The following USP28 variants were observed in gnomAD, a reference collection of about 807,000 sequenced individuals.
USP28 encodes ubiquitin carboxyl-terminal hydrolase 28.
USP28 carries 113 observed loss-of-function variants against 145.0 expected under a neutral mutation model. The observed-to-expected ratio is 0.78, with a 90% CI of 0.67 to 0.91. The LOEUF (loss-of-function observed/expected upper bound fraction) is 0.91. Ranked by LOEUF, USP28 falls within the 40% of genes least tolerant of loss-of-function variation. The pLI is 0.00. For missense variants in USP28, 1,201 were observed against 1,289.6 expected, an observed-to-expected ratio of 0.93 and a Z score of 1.05; for synonymous variants, 447 against 450.9, an observed-to-expected ratio of 0.99 and a Z score of 0.11.
intron 21 of USP28, 69 bp downstream of exon 22, chr11:113,804,604 T>A (rs1939606428): frequency 2.1e-6 from 3 of 1,411,186 alleles, no homozygotes; most frequent in Non-Finnish European, 2.9e-6. Flanking sequence ...AATTGTTTAT[T>A]TTGCCTCAGG....
chr11:113,875,435 C>A lies in USP28; in HGVS notation c.57+10G>T. 1 of 1,247,524 alleles carries A rather than the reference C, an allele frequency of 8.0e-7. No homozygotes were observed. The highest frequency in any genetic ancestry group is 1.0e-6 in the Non-Finnish European group (1 of 989,954). The allele number at this position is 1,247,524 out of a possible 1,614,324, so 77.3% of individuals were successfully genotyped here. A position where few individuals can be genotyped will look rare whatever the true frequency, so the allele number is the denominator to read the frequency against. Reference sequence around the variant, plus strand: ...CGCCCCCAGCTCCCGCTCGCCGCCGCGGAGCCCACCGAGCCGTGGCCGTCT... The same window carrying A: ...CGCCCCCAGCTCCCGCTCGCCGCCGAGGAGCCCACCGAGCCGTGGCCGTCT... On this transcript the variant is annotated intron_variant, in intron 1 of 24. Transcript: ENST00000003302.
chr11:113,851,833 C>A (rs1041709991), intron 3 of USP28, among the ~76,000 whole-genome samples: 7 of 87,016 alleles, frequency 8.0e-5, no homozygotes, highest in African/African-American at 2.4e-4. Context: ...GTCCCCAGCA[C>A]TCTTTTTTTC....
At chr11:113,826,377 C>T (rs1293958829) in intron 11 of USP28, among the ~76,000 whole-genome samples, 2 of 114,426 alleles carry the variant, frequency 1.7e-5, no homozygotes, top group South Asian at 6.8e-4. Context: ...GAGACAGGGT[C>T]TCACTCTGTT....
intron 12 of USP28, chr11:113,821,138 A>G (rs1217311449): frequency 4.2e-6 from 1 of 235,844 alleles, no homozygotes; most frequent in East Asian, 1.1e-4. Flanking sequence ...TGGCATGTCC[A>G]CCACCATCTT....
chr11:113,802,123 C>T (rs1193787509), intron 23 of USP28, among the ~76,000 whole-genome samples: 1 of 152,164 alleles, frequency 6.6e-6, no homozygotes, highest in African/African-American at 2.4e-5. Flanking sequence ...CTATATGATT[C>T]TGATGCACAC....
chr11:113,870,065 G>A (rs1948669176), intron 1 of USP28, among the ~76,000 whole-genome samples: 10 of 152,220 alleles, frequency 6.6e-5, no homozygotes, highest in Admixed American at 5.9e-4. Flanking sequence ...GGGAGGCTGA[G>A]GCAGGAGAAT....
chr11:113,856,060 G>C (rs535686744), intron 1 of USP28, among the ~76,000 whole-genome samples: 1 of 152,340 alleles, frequency 6.6e-6, no homozygotes, highest in East Asian at 1.9e-4. Flanking sequence ...GTCATTGCCT[G>C]TGCACTGGGA....
chr11:113,817,525 T>C, intron 13 of USP28, 133 bp downstream of exon 13: 2 of 1,062,558 alleles, frequency 1.9e-6, no homozygotes, highest in Non-Finnish European at 2.7e-6. Context: ...AGCAAAACCC[T>C]TCCCTTTAAG....
intron 1 of USP28, among the ~76,000 whole-genome samples, chr11:113,873,661 A>C (rs1451894118): frequency 6.6e-6 from 1 of 152,184 alleles, no homozygotes. Flanking sequence ...CCAAACTAAA[A>C]TTTTCCCATG....
intron 15 of USP28, 48 bp from the exon 16 acceptor site, chr11:113,812,552 T>C (rs1432450697): frequency 6.5e-7 from 1 of 1,537,218 alleles, no homozygotes; most frequent in Non-Finnish European, 9.0e-7. Context: ...CAAAGTAATC[T>C]GATAAAGTTT....
chr11:113,826,118 A>G (rs1037910162), intron 11 of USP28, among the ~76,000 whole-genome samples: 2 of 151,908 alleles, frequency 1.3e-5, no homozygotes, highest in South Asian at 4.2e-4. Flanking sequence ...CCCCGTCTCT[A>G]CTAAAAATAC....
At chr11:113,864,733 C>T (rs1353379303) in intron 1 of USP28, among the ~76,000 whole-genome samples, 3 of 152,248 alleles carry the variant, frequency 2.0e-5, no homozygotes, top group African/African-American at 4.8e-5. Context: ...ACACAGTCTA[C>T]TGATTCAATG....
chr11:113,819,258 G>T (rs933653219), intron 12 of USP28, among the ~76,000 whole-genome samples: 1 of 151,358 alleles, frequency 6.6e-6, no homozygotes, highest in Non-Finnish European at 1.5e-5. Flanking sequence ...GACTACAGGT[G>T]TGCGATGCCA....
intron 10 of USP28, chr11:113,828,746 A>C: frequency 3.1e-6 from 1 of 317,776 alleles, no homozygotes. Flanking sequence ...ATAAATAAAC[A>C]AATGAAAATT....
intron 2 of USP28, among the ~76,000 whole-genome samples, chr11:113,852,974 T>TAGAC (rs1022925422): frequency 1.4e-4 from 22 of 152,206 alleles, no homozygotes; most frequent in Middle Eastern, 3.4e-3. Context: ...GCAATTAACA[T>TAGAC]AGACATTCTA....
At chr11:113,817,625 T>G (rs371029283) in intron 13 of USP28, 33 bp downstream of exon 13, 1 of 1,607,346 alleles carries the variant, frequency 6.2e-7, no homozygotes, top group African/African-American at 1.3e-5. Flanking sequence ...AGAAAAACAA[T>G]ACATACCATT....
intron 18 of USP28, among the ~76,000 whole-genome samples, chr11:113,806,827 G>T (rs1375866711): frequency 5.3e-5 from 8 of 152,156 alleles, no homozygotes; most frequent in Admixed American, 2.0e-4. Context: ...TTCTAATTCA[G>T]TAGGATAAAG....
intron 12 of USP28, among the ~76,000 whole-genome samples, chr11:113,819,555 T>C (rs1942291284): frequency 6.6e-6 from 1 of 152,356 alleles, no homozygotes; most frequent in East Asian, 1.9e-4. Context: ...CAGTTTCTTT[T>C]ATATTTTCCC....
exon 10 of USP28, chr11:113,829,272 CTCG>C: frequency 6.2e-7 from 1 of 1,614,150 alleles, no homozygotes; most frequent in Non-Finnish European, 8.5e-7. Context: ...CTTCCAAACA[CTCG>C]TCTAAGTTGC....
Sources: allele counts gnomAD v4.1 joint callset (sites outside exome capture counted in the v4.1 genomes callset), GRCh38; gene constraint gnomAD v4.1.1; transcripts MANE v1.5; gene names NCBI Gene and HGNC (gene_info 2026-07-23, HGNC 2026-07-21).